SH3GL2: variants seen among roughly 807,000 people sequenced by gnomAD.
SH3GL2 encodes the protein SH3 domain containing GRB2 like 2, endophilin A1, also known as endophilin-A1.
Under a neutral mutation model 46.0 loss-of-function variants are expected in SH3GL2, and 24 were observed. That is an observed-to-expected ratio of 0.52 (90% confidence interval 0.38 to 0.73). The LOEUF is 0.73. Ranked by LOEUF, SH3GL2 falls within the 30% of genes least tolerant of loss-of-function variation. The probability of loss-of-function intolerance (pLI) is 0.00; values close to 1 mark genes in which losing one functional copy is unlikely to be tolerated. For synonymous variants in SH3GL2, 196 were observed against 147.1 expected, an observed-to-expected ratio of 1.33 and a Z score of -2.40; for missense variants, 413 against 424.2, an observed-to-expected ratio of 0.97 and a Z score of 0.23.
intron 2 of SH3GL2, among the ~76,000 whole-genome samples, chr9:17,753,775 G>C (rs532363536): frequency 5.9e-5 from 9 of 152,188 alleles, no homozygotes; most frequent in Non-Finnish European, 1.0e-4. Flanking sequence ...ATGGTATTTT[G>C]CCTAGGTTGT....
intron 2 of SH3GL2, among the ~76,000 whole-genome samples, chr9:17,760,171 C>G (rs1382084339): frequency 1.3e-5 from 2 of 152,262 alleles, no homozygotes; most frequent in African/African-American, 2.4e-5. Flanking sequence ...GATATTTATA[C>G]AAGATTTATA....
intron 1 of SH3GL2, among the ~76,000 whole-genome samples, chr9:17,598,125 C>T (rs927643145): frequency 6.6e-6 from 1 of 152,178 alleles, no homozygotes. Context: ...AGGCCATGTT[C>T]TTTTCAGTAT....
At chr9:17,759,519 A>G (rs1823107676) in intron 2 of SH3GL2, among the ~76,000 whole-genome samples, 2 of 152,128 alleles carry the variant, frequency 1.3e-5, no homozygotes, top group Non-Finnish European at 2.9e-5. Flanking sequence ...GAACACACAC[A>G]CTGGAACTAG....
intron 1 of SH3GL2, among the ~76,000 whole-genome samples, chr9:17,670,408 A>G (rs777756109): frequency 6.6e-6 from 1 of 152,244 alleles, no homozygotes; most frequent in Admixed American, 6.5e-5. Flanking sequence ...TACCTCCTGT[A>G]TCATGATAAT....
chr9:17,655,625 T>G (rs1226739474), intron 1 of SH3GL2, among the ~76,000 whole-genome samples: 1 of 152,246 alleles, frequency 6.6e-6, no homozygotes, highest in Non-Finnish European at 1.5e-5. Flanking sequence ...ACATATAATT[T>G]AAAAATAAAT....
chr9:17,645,733 A>C (rs1819799017), intron 1 of SH3GL2, among the ~76,000 whole-genome samples: 1 of 152,262 alleles, frequency 6.6e-6, no homozygotes, highest in South Asian at 2.1e-4. Context: ...GTTTCTGCTG[A>C]GAGATCCGCT....
chr9:17,594,661 T>A (rs7875694), intron 1 of SH3GL2, among the ~76,000 whole-genome samples: 147,778 of 151,834 alleles, frequency 0.97, 71,861 homozygotes, highest in East Asian at 1. Context: ...ATTAAAAAAA[T>A]AATTGTGTGT....
chr9:17,765,402 C>T (rs1390811167), intron 3 of SH3GL2, among the ~76,000 whole-genome samples: 1 of 152,186 alleles, frequency 6.6e-6, no homozygotes, highest in African/African-American at 2.4e-5. Flanking sequence ...ATTCTTAAAA[C>T]TCAGTTCCTA....
At chr9:17,764,569 C>G (rs1386396292) in intron 3 of SH3GL2, among the ~76,000 whole-genome samples, 1 of 152,232 alleles carries the variant, frequency 6.6e-6, no homozygotes, top group African/African-American at 2.4e-5. Context: ...TAGGACAGGG[C>G]CTGATGCCAA....
chr9:17,776,029 G>C (rs1437317582), intron 3 of SH3GL2, among the ~76,000 whole-genome samples: 2 of 152,134 alleles, frequency 1.3e-5, no homozygotes, highest in Non-Finnish European at 2.9e-5. Flanking sequence ...TTTACAAAAG[G>C]TCTTTCCCAA....
chr9:17,632,203 C>T (rs1394962610), intron 1 of SH3GL2, among the ~76,000 whole-genome samples: 1 of 152,016 alleles, frequency 6.6e-6, no homozygotes, highest in African/African-American at 2.4e-5. Context: ...AATCTTAGTA[C>T]CAAAAAAATA....
intron 1 of SH3GL2, among the ~76,000 whole-genome samples, chr9:17,679,960 T>A (rs1820724579): frequency 6.6e-6 from 1 of 152,190 alleles, no homozygotes; most frequent in South Asian, 2.1e-4. Context: ...GAACCAGCCT[T>A]GCATCCCTGG....
chr9:17,738,704 G>A (rs1193103400), intron 1 of SH3GL2, among the ~76,000 whole-genome samples: 2 of 149,694 alleles, frequency 1.3e-5, no homozygotes, highest in Admixed American at 6.7e-5. Flanking sequence ...TGCCTCATGT[G>A]ATTATGTTTG....
chr9:17,718,279 G>T (rs768649567), intron 1 of SH3GL2, among the ~76,000 whole-genome samples: 3 of 152,072 alleles, frequency 2.0e-5, no homozygotes, highest in African/African-American at 4.8e-5. Context: ...ACTTCTTATC[G>T]TGATTTATCA....
intron 3 of SH3GL2, among the ~76,000 whole-genome samples, chr9:17,764,729 G>C (rs1219038168): frequency 4.5e-5 from 3 of 66,896 alleles, no homozygotes; most frequent in African/African-American, 1.7e-4. Flanking sequence ...GAATCAGTAG[G>C]ATTTGATGCT....
At chr9:17,756,673 G>T (rs56188457) in intron 2 of SH3GL2, among the ~76,000 whole-genome samples, 3,875 of 151,976 alleles carry the variant, frequency 0.025, 149 homozygotes, top group African/African-American at 0.088. Flanking sequence ...TTTTATGGCT[G>T]CATAGTATTC....
At chr9:17,683,585 C>G (rs1336080934) in intron 1 of SH3GL2, among the ~76,000 whole-genome samples, 1 of 151,984 alleles carries the variant, frequency 6.6e-6, no homozygotes, top group Non-Finnish European at 1.5e-5. Context: ...TTGGAACGTC[C>G]TACCCCTATA....
rs563293513 is a variant in SH3GL2, at chr9:17,687,217, G to GT, written c.46-59842dup. 2.6e-3 allele frequency among the ~76,000 whole-genome samples: 401 copies of GT among 152,040 alleles called. 2 individuals carry two copies. Among genetic ancestry groups the GT allele is most frequent in the African/African-American group, 7.6e-3 (316 of 41,492 alleles). ...TCATCTAGAACCATTTAAATTTTGA[G>GT]TTTTTTTCAATCCAATTTCACTTAA... is the stretch of plus-strand genomic sequence containing the variant. On this transcript the variant is annotated intron_variant, in intron 1 of 8. Transcript: ENST00000380607.
intron 1 of SH3GL2, among the ~76,000 whole-genome samples, chr9:17,727,487 C>T (rs1283544536): frequency 6.6e-6 from 1 of 152,162 alleles, no homozygotes; most frequent in South Asian, 2.1e-4. Context: ...GATCTGTGTG[C>T]CCAGGGCCAT....
Sources: gnomAD v4.1 joint callset for allele counts (sites outside exome capture counted in the v4.1 genomes callset) on GRCh38, gnomAD v4.1.1 for gene constraint, MANE v1.5 for transcripts, NCBI Gene and HGNC (gene_info 2026-07-23, HGNC 2026-07-21) for gene names.